Variants in EFNA5 observed in about 807,000 individuals in gnomAD.
The protein encoded by EFNA5 is ephrin-A5.
Under a neutral mutation model 22.9 loss-of-function variants are expected in EFNA5, and 5 were observed. The observed-to-expected ratio is 0.22, with a 90% CI of 0.11 to 0.46. The LOEUF (loss-of-function observed/expected upper bound fraction) is 0.46, where lower values mean the gene tolerates loss of function less well. Among genes scored for constraint, EFNA5 ranks in the 20% least tolerant of loss-of-function variants. EFNA5 has a pLI of 0.99. For synonymous variants in EFNA5, 113 were observed against 112.2 expected, an observed-to-expected ratio of 1.01 and a Z score of -0.04; for missense variants, 237 against 293.3, an observed-to-expected ratio of 0.81 and a Z score of 1.40.
intron 1 of EFNA5, among the ~76,000 whole-genome samples, chr5:107,618,168 C>T (rs552897631): frequency 3.3e-5 from 5 of 152,298 alleles, no homozygotes; most frequent in Non-Finnish European, 7.3e-5. Flanking sequence ...CCAAAATATT[C>T]AGCCTGATCA....
intron 1 of EFNA5, among the ~76,000 whole-genome samples, chr5:107,514,478 C>T (rs537287692): frequency 2.6e-5 from 4 of 152,148 alleles, no homozygotes; most frequent in Admixed American, 6.5e-5. Flanking sequence ...CCACCTGGAA[C>T]GTGAGTCATT....
chr5:107,492,393 C>T (rs1043380419), intron 1 of EFNA5, among the ~76,000 whole-genome samples: 1 of 152,094 alleles, frequency 6.6e-6, no homozygotes, highest in African/African-American at 2.4e-5. Context: ...AAGATCATTA[C>T]CTACTTTGAC....
At chr5:107,521,476 A>ATATATATT (rs1491248327) in intron 1 of EFNA5, among the ~76,000 whole-genome samples, 82 of 58,344 alleles carry the variant, frequency 1.4e-3, no homozygotes, top group African/African-American at 3.9e-3. Context: ...ATATATATAT[A>ATATATATT]TTTTTTTTTT....
At chr5:107,491,047 C>CACATTGTG (rs1746791623) in intron 1 of EFNA5, among the ~76,000 whole-genome samples, 1 of 152,182 alleles carries the variant, frequency 6.6e-6, no homozygotes, top group South Asian at 2.1e-4. Context: ...TCATTCAAGC[C>CACATTGTG]ACATTGTGAT....
At chr5:107,499,389 C>T (rs949441422) in intron 1 of EFNA5, among the ~76,000 whole-genome samples, 1 of 152,190 alleles carries the variant, frequency 6.6e-6, no homozygotes, top group African/African-American at 2.4e-5. Context: ...TGTTGTTAAT[C>T]CACCTTAATT....
intron 1 of EFNA5, among the ~76,000 whole-genome samples, chr5:107,543,664 C>T (rs1340998662): frequency 6.6e-6 from 1 of 152,074 alleles, no homozygotes; most frequent in Non-Finnish European, 1.5e-5. Flanking sequence ...AAAGGAAGAG[C>T]ATGGGCTGCT....
At position 107,584,401 on chromosome 5, in the gene EFNA5, A is replaced by G. The variant is rs567581032; in HGVS notation, c.125+86088T>C. ...ACACAGCCCCAAATTCAGTCCTTTC[A>G]GAAAAAGGAGTATAGCCAAGGCACA... is the stretch of plus-strand genomic sequence containing the variant. On this transcript the variant is annotated intron_variant, in intron 1 of 4. Transcript: ENST00000333274. Among the ~76,000 whole-genome samples the G allele has an allele frequency of 1.1e-4, 17 of 152,342 alleles. No individual in the cohort carries two copies. The South Asian group carries it at 3.3e-3, about 30-fold the overall frequency.
chr5:107,484,520 G>A (rs892663720), intron 1 of EFNA5, among the ~76,000 whole-genome samples: 7 of 152,174 alleles, frequency 4.6e-5, no homozygotes, highest in Middle Eastern at 6.3e-3. Context: ...AGCCAGAGTG[G>A]TACCAGATGG....
At chr5:107,473,476 C>A (rs541873152) in intron 1 of EFNA5, among the ~76,000 whole-genome samples, 17 of 152,066 alleles carry the variant, frequency 1.1e-4, no homozygotes, top group African/African-American at 4.1e-4. Flanking sequence ...TAGAACTATG[C>A]CCAAAGTCAG....
At chr5:107,482,207 G>C (rs1156946659) in intron 1 of EFNA5, among the ~76,000 whole-genome samples, 3 of 151,762 alleles carry the variant, frequency 2.0e-5, no homozygotes, top group Admixed American at 6.6e-5. Context: ...TGGAGAGGTT[G>C]AGGTGGGAAA....
chr5:107,563,947 C>T (rs1748606336), intron 1 of EFNA5, among the ~76,000 whole-genome samples: 1 of 152,226 alleles, frequency 6.6e-6, no homozygotes, highest in South Asian at 2.1e-4. Flanking sequence ...GTACAAACAA[C>T]TTCTCAGTTT....
chr5:107,581,254 A>C (rs1284170351), intron 1 of EFNA5, among the ~76,000 whole-genome samples: 1 of 152,184 alleles, frequency 6.6e-6, no homozygotes, highest in Non-Finnish European at 1.5e-5. Flanking sequence ...TTTCATAAAC[A>C]CAGTACTGAA....
Position 107,435,315 on chromosome 5 carries a change from CTTTTTTTTTT to C in EFNA5, c.126-7816_126-7807del, listed in dbSNP as rs3999107. 1.7e-4 allele frequency among the ~76,000 whole-genome samples: 18 copies of C among 104,646 alleles called. No individual in the cohort carries two copies. In the South Asian group the frequency reaches 4.2e-3, roughly 24 times the overall value. 68.7% of individuals were successfully genotyped at this position (104,646 alleles called of 152,430 possible). ...TTCCTATTCTAAATCTGAAGATGCT[CTTTTTTTTTT>C]TTTTTTTTTTTTGCTTTTCTGTGGA... On this transcript the variant is annotated intron_variant, in intron 1 of 4. Coordinates refer to ENST00000333274, the MANE Select transcript of EFNA5 (RefSeq NM_001962.3).
intron 2 of EFNA5, among the ~76,000 whole-genome samples, chr5:107,401,656 T>G (rs1748087143): frequency 6.6e-6 from 1 of 152,148 alleles, no homozygotes; most frequent in South Asian, 2.1e-4. Flanking sequence ...CACAGGGCTG[T>G]AGGAAGATGA....
intron 1 of EFNA5, among the ~76,000 whole-genome samples, chr5:107,619,089 T>A (rs1749982281): frequency 6.6e-6 from 1 of 151,840 alleles, no homozygotes; most frequent in Admixed American, 6.6e-5. Context: ...GCCTGGCTAA[T>A]TTCTTTTTTA....
chr5:107,381,089 C>T lies in EFNA5; in HGVS notation c.*166G>A. The T allele has an allele frequency of 1.9e-6, 2 of 1,056,976 alleles. No homozygotes were observed. Among genetic ancestry groups the T allele is most frequent in the Admixed American group, 2.8e-5 (1 of 35,648 alleles). The allele number at this position is 1,056,976 out of a possible 1,614,324, so 65.5% of individuals were successfully genotyped here. A position where few individuals can be genotyped will look rare whatever the true frequency, so the allele number is the denominator to read the frequency against. On this transcript the variant is annotated 3_prime_UTR_variant, in exon 5 of 5. Coordinates refer to ENST00000333274, the MANE Select transcript of EFNA5 (RefSeq NM_001962.3). Reference sequence around the variant, plus strand: ...GGGAGGCAGGAACAAGTTTAGGCCCCCAACCTGAAGTTGTTGCTTAGAATT... The same window carrying T: ...GGGAGGCAGGAACAAGTTTAGGCCCTCAACCTGAAGTTGTTGCTTAGAATT...
At chr5:107,431,775 T>G (rs944282264) in intron 1 of EFNA5, among the ~76,000 whole-genome samples, 3 of 152,172 alleles carry the variant, frequency 2.0e-5, no homozygotes, top group African/African-American at 7.2e-5. Context: ...ATGCAACAAA[T>G]ATTTGCTGCA....
intron 1 of EFNA5, among the ~76,000 whole-genome samples, chr5:107,626,829 C>T (rs560122554): frequency 6.6e-6 from 1 of 152,166 alleles, no homozygotes; most frequent in Non-Finnish European, 1.5e-5. Context: ...TCTTTCTTAT[C>T]AGCATTTCTT....
chr5:107,486,964 C>G (rs925379905), intron 1 of EFNA5, among the ~76,000 whole-genome samples: 1 of 152,190 alleles, frequency 6.6e-6, no homozygotes, highest in African/African-American at 2.4e-5. Context: ...CTCTCAAATA[C>G]TCCACATTGC....
Sources: gnomAD v4.1 joint callset for allele counts (sites outside exome capture counted in the v4.1 genomes callset) on GRCh38, gnomAD v4.1.1 for gene constraint, MANE v1.5 for transcripts, NCBI Gene and HGNC (gene_info 2026-07-23, HGNC 2026-07-21) for gene names.